Variants in RNF144A observed in about 807,000 individuals in gnomAD.
RNF144A encodes E3 ubiquitin-protein ligase RNF144A.
RNF144A carries 11 observed loss-of-function variants against 38.7 expected under a neutral mutation model. The observed-to-expected ratio is 0.28, with a 90% CI of 0.18 to 0.47. The LOEUF is 0.47. RNF144A is among the 20% of genes least tolerant of loss of function. The pLI is 0.99. For synonymous variants in RNF144A, 149 were observed against 143.9 expected, an observed-to-expected ratio of 1.04 and a Z score of -0.25; for missense variants, 316 against 377.2, an observed-to-expected ratio of 0.84 and a Z score of 1.34.
chr2:6,953,940 A>G (rs891492174), intron 2 of RNF144A, among the ~76,000 whole-genome samples: 1 of 152,142 alleles, frequency 6.6e-6, no homozygotes, highest in Non-Finnish European at 1.5e-5. Context: ...CTTAAAATTT[A>G]TGGATTCTTA....
At chr2:6,966,843 C>G (rs181930916) in intron 2 of RNF144A, among the ~76,000 whole-genome samples, 2 of 152,286 alleles carry the variant, frequency 1.3e-5, no homozygotes, top group Non-Finnish European at 2.9e-5. Flanking sequence ...TGCTGTTACT[C>G]CTGGTGGGGA....
intron 6 of RNF144A, among the ~76,000 whole-genome samples, chr2:7,023,135 T>C (rs1265152269): frequency 1.3e-5 from 2 of 152,250 alleles, no homozygotes; most frequent in Non-Finnish European, 2.9e-5. Context: ...AGCTAGGATC[T>C]GTCTGTCTCA....
intron 3 of RNF144A, among the ~76,000 whole-genome samples, chr2:6,997,450 A>G (rs985691400): frequency 1.3e-5 from 2 of 152,244 alleles, no homozygotes; most frequent in African/African-American, 2.4e-5. Context: ...TGTAGCTAGA[A>G]TATTCAGTCC....
At chr2:7,002,215 G>A (rs997203199) in intron 3 of RNF144A, among the ~76,000 whole-genome samples, 4 of 152,074 alleles carry the variant, frequency 2.6e-5, no homozygotes, top group Non-Finnish European at 2.9e-5. Context: ...GCACATAGTG[G>A]GTGCTTTTTT....
chr2:7,071,281 C>A (rs1206639571), downstream of RNF144A, among the ~76,000 whole-genome samples: 1 of 152,092 alleles, frequency 6.6e-6, no homozygotes, highest in African/African-American at 2.4e-5. Context: ...TGACACAGAG[C>A]CAGCTGCAGA....
At chr2:6,952,442 A>G (rs1428617244) in intron 2 of RNF144A, among the ~76,000 whole-genome samples, 1 of 149,160 alleles carries the variant, frequency 6.7e-6, no homozygotes, top group Non-Finnish European at 1.5e-5. Flanking sequence ...TTTGTGTACG[A>G]TTTATATTAT....
chr2:7,024,695 G>C (rs2103435996), intron 7 of RNF144A, among the ~76,000 whole-genome samples, 179 bp downstream of exon 7: 1 of 152,326 alleles, frequency 6.6e-6, no homozygotes, highest in South Asian at 2.1e-4. Context: ...AGCGCCATGG[G>C]GACAGAAGCC....
At chr2:6,969,167 T>C (rs573603273) in intron 2 of RNF144A, among the ~76,000 whole-genome samples, 1 of 152,356 alleles carries the variant, frequency 6.6e-6, no homozygotes, top group East Asian at 1.9e-4. Flanking sequence ...TAATCCTCAT[T>C]ATTCTAAATG....
At chr2:6,999,896 G>C (rs997688255) in intron 3 of RNF144A, among the ~76,000 whole-genome samples, 4 of 152,118 alleles carry the variant, frequency 2.6e-5, no homozygotes, top group African/African-American at 9.7e-5. Flanking sequence ...TGCTAATGAC[G>C]GACACCGCAT....
intron 1 of RNF144A, among the ~76,000 whole-genome samples, chr2:6,926,685 G>A (rs779885527): frequency 2.0e-5 from 3 of 152,188 alleles, no homozygotes; most frequent in Non-Finnish European, 2.9e-5. Context: ...CATAGGAGGC[G>A]CTCAATAAAT....
chr2:7,012,124 C>T (rs1288697919), intron 3 of RNF144A, among the ~76,000 whole-genome samples: 1 of 152,176 alleles, frequency 6.6e-6, no homozygotes, highest in East Asian at 1.9e-4. Flanking sequence ...TTAACGCACT[C>T]CAGTATCCTC....
chr2:6,960,980 G>A (rs183223311), intron 2 of RNF144A, among the ~76,000 whole-genome samples: 17 of 152,266 alleles, frequency 1.1e-4, no homozygotes, highest in Admixed American at 7.8e-4. Flanking sequence ...GTGTGTGTAC[G>A]TGTGTGTGTT....
In RNF144A at chr2:7,042,092, C is replaced by T. The variant is rs975162426; in HGVS notation, c.*2332C>T. On this transcript the variant is annotated 3_prime_UTR_variant, in exon 9 of 9. Transcript: ENST00000320892. ...TTTGTATGAAGCATGCCTCAGTTTC[C>T]TCATTTTGATCTAGATATAAAATTA... 2.1e-5 allele frequency: 21 copies of T among 985,214 alleles called. No individual in the cohort carries two copies. The highest frequency in any genetic ancestry group is 2.5e-5 in the Non-Finnish European group (21 of 829,904). 61.0% of individuals were successfully genotyped at this position (985,214 alleles called of 1,614,324 possible). A position where few individuals can be genotyped will look rare whatever the true frequency, so the allele number is the denominator to read the frequency against.
At chr2:6,951,489 A>T (rs1303031262) in intron 2 of RNF144A, among the ~76,000 whole-genome samples, 2 of 152,212 alleles carry the variant, frequency 1.3e-5, no homozygotes, top group African/African-American at 4.8e-5. Flanking sequence ...AGCACCATTA[A>T]CAACAGCAGC....
downstream of RNF144A, among the ~76,000 whole-genome samples, chr2:7,068,657 G>A (rs375669602): frequency 5.9e-5 from 9 of 152,226 alleles, no homozygotes; most frequent in Admixed American, 3.9e-4. Context: ...GGGTTTTGCT[G>A]AGCATAACGG....
At chr2:7,011,319 T>C (rs1295164104) in intron 3 of RNF144A, among the ~76,000 whole-genome samples, 2 of 152,216 alleles carry the variant, frequency 1.3e-5, no homozygotes, top group Non-Finnish European at 2.9e-5. Context: ...TATGATACAA[T>C]TGTATTAAAG....
rs1672943096 is a variant in RNF144A, at chr2:7,039,884, G to A, written c.*124G>A. The A allele has an allele frequency of 2.0e-6, 3 of 1,468,894 alleles. No homozygotes were observed. Among genetic ancestry groups the A allele is most frequent in the Non-Finnish European group, 2.7e-6 (3 of 1,108,398 alleles). 91.0% of individuals were successfully genotyped at this position (1,468,894 alleles called of 1,614,324 possible). ...TATGTGCCCCATTGAGCTTCACAGT[G>A]TCAGGCTGGACGCCGTGATTTCAGG... is the stretch of plus-strand genomic sequence containing the variant. On this transcript the variant is annotated 3_prime_UTR_variant, in exon 9 of 9. Transcript: ENST00000320892.
intron 2 of RNF144A, among the ~76,000 whole-genome samples, chr2:6,981,611 G>A (rs1668638397): frequency 6.6e-6 from 1 of 152,162 alleles, no homozygotes; most frequent in South Asian, 2.1e-4. Context: ...ACCTCAGCCT[G>A]AACTTCATTG....
downstream of RNF144A, among the ~76,000 whole-genome samples, chr2:7,070,396 C>T (rs1156760275): frequency 6.6e-6 from 1 of 152,070 alleles, no homozygotes; most frequent in African/African-American, 2.4e-5. Context: ...AGAAATGGAG[C>T]TTTTTGTATA....
Sources: allele counts gnomAD v4.1 joint callset (sites outside exome capture counted in the v4.1 genomes callset), GRCh38; gene constraint gnomAD v4.1.1; transcripts MANE v1.5; gene names NCBI Gene and HGNC (gene_info 2026-07-23, HGNC 2026-07-21).